MOK: variants seen among roughly 807,000 people sequenced by gnomAD.
MOK encodes the protein MAPK/MAK/MRK overlapping kinase.
A neutral mutation model predicts 54.2 loss-of-function variants in MOK; 59 were observed. That is an observed-to-expected ratio of 1.09 (90% confidence interval 0.88 to 1.35). The LOEUF is 1.35. Ranked by LOEUF, MOK falls within the 40% of genes most tolerant of loss-of-function variation. MOK has a pLI of 0.00. For missense variants in MOK, 517 were observed against 526.2 expected, an observed-to-expected ratio of 0.98 and a Z score of 0.17; for synonymous variants, 210 against 202.7, an observed-to-expected ratio of 1.04 and a Z score of -0.31.
chr14:102,297,822 C>T (rs1397743893), intron 1 of MOK, among the ~76,000 whole-genome samples: 1 of 152,184 alleles, frequency 6.6e-6, no homozygotes, highest in Non-Finnish European at 1.5e-5. Flanking sequence ...ACGGGTTTAG[C>T]ACCCGGGCCA....
chr14:102,268,682 G>A lies in MOK; in HGVS notation c.123-2770C>T, dbSNP rs1410394727. 3.9e-5 allele frequency among the ~76,000 whole-genome samples: 6 copies of A among 152,210 alleles called. No individual in the cohort carries two copies. In the East Asian group the frequency reaches 5.8e-4, roughly 15 times the overall value. Reference sequence around the variant, plus strand: ...TGTAATCCCAGCACTTTGGGAGGCCGAGGCGGGTGGATCATGAGGTCAGGA... The same window carrying A: ...TGTAATCCCAGCACTTTGGGAGGCCAAGGCGGGTGGATCATGAGGTCAGGA... On this transcript the variant is annotated intron_variant, in intron 2 of 11. Coordinates refer to ENST00000361847, the MANE Select transcript of MOK (RefSeq NM_014226.3).
At chr14:102,257,349 T>C (rs974955352) in intron 4 of MOK, among the ~76,000 whole-genome samples, 1 of 152,068 alleles carries the variant, frequency 6.6e-6, no homozygotes, top group African/African-American at 2.4e-5. Context: ...CTGCAGAGCG[T>C]TGTCAGCGGC....
At position 102,250,944 on chromosome 14, in the gene MOK, T is replaced by C. The variant is rs530261371; in HGVS notation, c.458A>G (p.Tyr153Cys). The C allele has an allele frequency of 1.2e-6, 2 of 1,614,018 alleles. No homozygotes were observed. Among genetic ancestry groups the C allele is most frequent in the African/African-American group, 1.3e-5 (1 of 75,020 alleles). Residue 153 changes from tyrosine to cysteine, a missense_variant, in exon 7 of 12, where the codon TAT becomes TGT. Transcript: ENST00000361847. ...GTATTCCGTGTACGGCTGCTTGGAA[T>C]AGACACTCCGGCAGGAGCCAAAGTC... ...LGDFGSCRSV[Y>C]SKQPYTEYIS...
At chr14:102,270,494 A>C (rs1410108174) in intron 2 of MOK, among the ~76,000 whole-genome samples, 1 of 152,102 alleles carries the variant, frequency 6.6e-6, no homozygotes, top group Non-Finnish European at 1.5e-5. Context: ...CCAGCTCCTC[A>C]GGAGGCTAAG....
downstream of MOK, chr14:102,226,113 G>A (rs762611096): frequency 1.0e-5 from 6 of 574,598 alleles, no homozygotes; most frequent in East Asian, 6.0e-5. The surrounding 1 kb of genome is among the most constrained non-coding windows in gnomAD (Gnocchi z 4.8). Flanking sequence ...CCTGTCACAC[G>A]AAGACGTGCA....
chr14:102,226,205 GGT>G, downstream of MOK: 2 of 621,084 alleles, frequency 3.2e-6, no homozygotes, highest in South Asian at 3.8e-5. This position sits in a 1 kb window ranked among gnomAD's most constrained non-coding sequence, Gnocchi z 4.8. Flanking sequence ...GCCAGTGTGG[GGT>G]GTGACTGGGC....
At chr14:102,252,956 T>C (rs1274310137) in intron 4 of MOK, among the ~76,000 whole-genome samples, 1 of 152,214 alleles carries the variant, frequency 6.6e-6, no homozygotes, top group African/African-American at 2.4e-5. Flanking sequence ...TTTTTGCAAA[T>C]TTAACAAAAT....
At chr14:102,254,783 C>A (rs2066798543) in intron 4 of MOK, among the ~76,000 whole-genome samples, 1 of 152,184 alleles carries the variant, frequency 6.6e-6, no homozygotes, top group African/African-American at 2.4e-5. Context: ...TGCCCCACCA[C>A]CCCCTTCTTG....
Position 102,231,744 on chromosome 14 carries a change from C to G in MOK, c.944G>C (p.Ser315Thr), listed in dbSNP as rs569285770. Residue 315 changes from serine (S) to threonine (T), a missense_variant, in exon 10 of 12, where the codon AGT becomes ACT. By Grantham distance (58) the Ser-to-Thr change is moderately conservative (BLOSUM62 1). Transcript: ENST00000361847. The surrounding 1 kb of genome is among the most constrained non-coding windows in gnomAD (Gnocchi z 4.4). ...PEHPVAPEPLSNSCQISKEGR... is the reference protein window; with the variant it reads ...PEHPVAPEPLTNSCQISKEGR... ...CTCCTTGGAAATCTGGCAGCTGTTA[C>G]TGAGTGGTTCCGGTGCCACAGGGTG... is the stretch of plus-strand genomic sequence containing the variant. 3 of 1,612,182 alleles carry G rather than the reference C, an allele frequency of 1.9e-6. No individual in the cohort carries two copies. The highest frequency in any genetic ancestry group is 2.5e-6 in the Non-Finnish European group (3 of 1,179,530).
intron 7 of MOK, chr14:102,246,338 T>G (rs2066091169): frequency 6.6e-6 from 1 of 152,074 alleles, no homozygotes; most frequent in African/African-American, 2.4e-5. Flanking sequence ...CTTCCAAGGC[T>G]CTCTCTGTGG....
intron 2 of MOK, among the ~76,000 whole-genome samples, chr14:102,282,183 G>A (rs1325121030): frequency 6.6e-6 from 1 of 152,058 alleles, no homozygotes; most frequent in Non-Finnish European, 1.5e-5. Context: ...GAGGCAGAAG[G>A]ATCACTTGAG....
At chr14:102,303,635 A>G (rs2072476997) in intron 1 of MOK, among the ~76,000 whole-genome samples, 1 of 152,344 alleles carries the variant, frequency 6.6e-6, no homozygotes, top group African/African-American at 2.4e-5. Flanking sequence ...ATCATTGTTA[A>G]ATTTTCTAAA....
intron 4 of MOK, among the ~76,000 whole-genome samples, chr14:102,262,601 A>G (rs2153131817): frequency 6.6e-6 from 1 of 152,378 alleles, no homozygotes; most frequent in African/African-American, 2.4e-5. Flanking sequence ...CAACTTCATA[A>G]AAACAATTTT....
At chr14:102,285,097 A>G (rs533259762) in intron 1 of MOK, among the ~76,000 whole-genome samples, 34 of 151,816 alleles carry the variant, frequency 2.2e-4, no homozygotes, top group Admixed American at 1.2e-3. Flanking sequence ...AAAAAAAAAA[A>G]AAAGAAAATG....
chr14:102,241,825 G>C (rs2065741377), intron 7 of MOK, among the ~76,000 whole-genome samples: 1 of 152,178 alleles, frequency 6.6e-6, no homozygotes, highest in South Asian at 2.1e-4. Context: ...CACATCTCCA[G>C]GACACAAGAA....
At chr14:102,225,457 A>T (rs955094020), downstream of MOK, 1 of 152,248 alleles carries the variant, frequency 6.6e-6, no homozygotes, top group African/African-American at 2.4e-5. Context: ...TACCAGGACA[A>T]TAATTGTGTA....
chr14:102,237,320 G>C (rs949816090), intron 7 of MOK, among the ~76,000 whole-genome samples: 1 of 152,028 alleles, frequency 6.6e-6, no homozygotes, highest in African/African-American at 2.4e-5. Context: ...TCCATCAAAG[G>C]GTATAGAGTC....
At position 102,229,733 on chromosome 14, in the gene MOK, C is replaced by A. The variant is rs1644267119; in HGVS notation, c.982-76G>T. On this transcript the variant is annotated intron_variant, in intron 10 of 11. Transcript: ENST00000361847. ...GAAATTAGGAAAAACGAAAGAGGCTCTTTTGTACTGCTTTTGCCTAATACA... is the reference window on the plus strand; with the variant it reads ...GAAATTAGGAAAAACGAAAGAGGCTATTTTGTACTGCTTTTGCCTAATACA... 9 of 1,283,478 alleles carry A rather than the reference C, an allele frequency of 7.0e-6. No homozygotes were observed. In the South Asian group the frequency reaches 1.0e-4, roughly 15 times the overall value. The allele number at this position is 1,283,478 out of a possible 1,614,324, so 79.5% of individuals were successfully genotyped here.
rs2066341842 is a variant in MOK at position 102,249,220 on chromosome 14, C to T, written c.590+1592G>A. 6.6e-6 allele frequency among the ~76,000 whole-genome samples: 1 copy of T among 152,180 alleles called. No individual in the cohort carries two copies. The highest frequency in any genetic ancestry group is 2.4e-5 in the African/African-American group (1 of 41,432). On this transcript the variant is annotated intron_variant, in intron 7 of 11. Coordinates refer to ENST00000361847, the MANE Select transcript of MOK (RefSeq NM_014226.3). This position sits in a 1 kb window ranked among gnomAD's most constrained non-coding sequence, Gnocchi z 5.3. ...ACAGATCCACATTCCGTCATCTGTT[C>T]AGCATGATGTCTGTGGTGAAATGTG...
Sources: gnomAD v4.1 joint callset for allele counts (sites outside exome capture counted in the v4.1 genomes callset) on GRCh38, gnomAD v4.1.1 for gene constraint, Gnocchi (gnomAD v3.1) non-coding constraint, MANE v1.5 for transcripts, NCBI Gene and HGNC (gene_info 2026-07-23, HGNC 2026-07-21) for gene names.